Variants in UBR1 observed in about 807,000 individuals in gnomAD.
UBR1 encodes the protein ubiquitin protein ligase E3 component n-recognin 1, also known as E3 ubiquitin-protein ligase UBR1.
Under a neutral mutation model 242.1 loss-of-function variants are expected in UBR1, and 102 were observed. That is an observed-to-expected ratio of 0.42 (90% confidence interval 0.36 to 0.50). The LOEUF is 0.50. Among genes scored for constraint, UBR1 ranks in the 20% least tolerant of loss-of-function variants. The probability of loss-of-function intolerance (pLI) is 0.01; values close to 1 mark genes in which losing one functional copy is unlikely to be tolerated. For missense variants in UBR1, 1,772 were observed against 2,101.8 expected (o/e 0.84, Z 3.07); for synonymous variants, 675 against 684.8 (o/e 0.99, Z 0.22).
chr15:42,943,096 CAT>C lies in UBR1; in HGVS notation c.*2231_*2232del, dbSNP rs1253833540. ...ATCATCATCACAGTGAACCAAAATG[CAT>C]AGTTGTTATGAAATGACAAATGACC... On this transcript the variant is annotated 3_prime_UTR_variant, in exon 47 of 47. Coordinates refer to ENST00000290650, the MANE Select transcript of UBR1 (RefSeq NM_174916.3). 1 of 152,534 alleles carries C rather than the reference CAT, an allele frequency of 6.6e-6. No homozygotes were observed. Among genetic ancestry groups the C allele is most frequent in the Non-Finnish European group, 1.5e-5 (1 of 68,024 alleles). The allele number at this position is 152,534 out of a possible 1,614,324, so 9.4% of individuals were successfully genotyped here.
chr15:43,085,749 TGGCG>T (rs1188680224), intron 2 of UBR1, among the ~76,000 whole-genome samples: 2 of 150,674 alleles, frequency 1.3e-5, no homozygotes, highest in African/African-American at 4.9e-5. Flanking sequence ...CCAGGCATGG[TGGCG>T]GGTGCCTGTA....
At chr15:43,016,376 CTAA>C (rs1305034587) in intron 28 of UBR1, among the ~76,000 whole-genome samples, 1 of 151,950 alleles carries the variant, frequency 6.6e-6, no homozygotes, top group Non-Finnish European at 1.5e-5. Flanking sequence ...TAATATTATT[CTAA>C]TAATACAAAT....
chr15:42,985,604 C>T (rs1287235150), intron 35 of UBR1, among the ~76,000 whole-genome samples: 1 of 152,326 alleles, frequency 6.6e-6, no homozygotes, highest in Admixed American at 6.5e-5. Flanking sequence ...CCGCCCACCT[C>T]AGCCTTCCAA....
intron 12 of UBR1, among the ~76,000 whole-genome samples, chr15:43,048,932 AG>A (rs1321704826): frequency 2.8e-4 from 42 of 152,324 alleles, no homozygotes; most frequent in African/African-American, 1.0e-3. Context: ...GAAGGATGTA[AG>A]CACCTGTCAT....
At position 43,027,810 on chromosome 15, in the gene UBR1, A is replaced by C; in HGVS notation, c.2398T>G (p.Leu800Val). 6.2e-7 allele frequency: 1 copy of C among 1,612,726 alleles called. No individual in the cohort carries two copies. The highest frequency in any genetic ancestry group is 1.7e-4 in the Middle Eastern group (1 of 6,052). Residue 800 changes from leucine (L) to valine (V), a missense_variant, in exon 22 of 47, where the codon TTA becomes GTA. Physicochemically the swap from Leu to Val is conservative, Grantham distance 32 (BLOSUM62 1). Around this residue, in one of 3 missense-constraint regions of UBR1, gnomAD observed 73 missense variants for 128.9 expected, o/e 0.57. Coordinates refer to ENST00000290650, the MANE Select transcript of UBR1 (RefSeq NM_174916.3). Reference sequence around the variant, plus strand: ...GCCACTTTGTTTATGACATTCTCTAAGCCAGTTTCATTATTTTCCTGTTGA... The same window carrying C: ...GCCACTTTGTTTATGACATTCTCTACGCCAGTTTCATTATTTTCCTGTTGA... ...LPENENNETG[L>V]ENVINKVATF... is the part of the protein sequence containing the mutation.
chr15:43,065,864 G>C (rs1240616612), intron 6 of UBR1, among the ~76,000 whole-genome samples: 2 of 152,196 alleles, frequency 1.3e-5, no homozygotes, highest in South Asian at 2.1e-4. Context: ...TGTAGACTGG[G>C]TACTAAACCT....
chr15:43,059,607 A>C (rs913006437), intron 8 of UBR1, 95 bp downstream of exon 8: 19 of 1,471,998 alleles, frequency 1.3e-5, no homozygotes, highest in Non-Finnish European at 1.7e-5. Flanking sequence ...AAAAAAAAGA[A>C]AAACTTTATT....
intron 1 of UBR1, among the ~76,000 whole-genome samples, chr15:43,095,469 T>A (rs2034148043): frequency 1.3e-5 from 2 of 151,226 alleles, no homozygotes; most frequent in Admixed American, 6.6e-5. Flanking sequence ...TCTACTGGAG[T>A]CTTATCAGTA....
At chr15:43,004,701 A>T (rs914823411) in intron 30 of UBR1, among the ~76,000 whole-genome samples, 8 of 152,108 alleles carry the variant, frequency 5.3e-5, no homozygotes, top group Non-Finnish European at 1.5e-5. Context: ...CCCAGGCTGG[A>T]GTGCAGTGGC....
intron 6 of UBR1, among the ~76,000 whole-genome samples, chr15:43,063,503 G>A (rs529420772): frequency 7.9e-5 from 12 of 152,134 alleles, no homozygotes; most frequent in African/African-American, 2.4e-4. Flanking sequence ...TACATAAGAC[G>A]GCAAAAATGT....
chr15:43,079,560 A>G (rs1315704298), intron 3 of UBR1, among the ~76,000 whole-genome samples: 3 of 151,962 alleles, frequency 2.0e-5, no homozygotes, highest in Non-Finnish European at 4.4e-5. Context: ...CGGGTGGATC[A>G]TGAGGTCAGG....
chr15:43,079,095 A>T (rs964931443), intron 3 of UBR1, among the ~76,000 whole-genome samples: 5 of 152,208 alleles, frequency 3.3e-5, no homozygotes, highest in Non-Finnish European at 5.9e-5. Context: ...AGTCATTGAA[A>T]TGGGGGACAG....
intron 46 of UBR1, among the ~76,000 whole-genome samples, chr15:42,946,645 G>A (rs370467501): frequency 3.3e-5 from 5 of 152,244 alleles, no homozygotes; most frequent in African/African-American, 1.2e-4. Flanking sequence ...TATTTCAAAG[G>A]AACAAAATTT....
intron 1 of UBR1, among the ~76,000 whole-genome samples, chr15:43,090,659 C>CA (rs946589346): frequency 2.7e-5 from 4 of 150,476 alleles, no homozygotes; most frequent in Non-Finnish European, 5.9e-5. Context: ...ACAAACCAAA[C>CA]AAAAAATCTT....
At chr15:43,066,218 T>C (rs112226158) in intron 6 of UBR1, among the ~76,000 whole-genome samples, 1,586 of 152,326 alleles carry the variant, frequency 0.01, 30 homozygotes, top group African/African-American at 0.037. Context: ...ATTTATTGAA[T>C]AGGGAATCCT....
In UBR1 at chr15:43,070,912, G is replaced by C; in HGVS notation, c.542C>G (p.Pro181Arg). 1 of 1,613,232 alleles carries C rather than the reference G, an allele frequency of 6.2e-7. No homozygotes were observed. The highest frequency in any genetic ancestry group is 8.5e-7 in the Non-Finnish European group (1 of 1,179,928). The change falls in exon 5 of 47, where the codon CCG becomes CGG. Residue 181 changes from proline to arginine, a missense_variant. Coordinates refer to ENST00000290650, the MANE Select transcript of UBR1 (RefSeq NM_174916.3). ...TTGGACAATTACCTCTTCATTCAAC[G>C]GACAGCGTGAATTCTATAAAAAAGC... is the stretch of plus-strand genomic sequence containing the variant. ...AGTIKENSRC[P>R]LNEEVIVQAR...
intron 1 of UBR1, among the ~76,000 whole-genome samples, chr15:43,102,032 C>T (rs536028647): frequency 1.6e-4 from 23 of 147,994 alleles, no homozygotes; most frequent in South Asian, 1.3e-3. Flanking sequence ...TCCAGCTACT[C>T]GGGAGGCTGA....
chr15:43,079,055 A>T (rs2033942361), intron 3 of UBR1, among the ~76,000 whole-genome samples: 1 of 152,228 alleles, frequency 6.6e-6, no homozygotes, highest in African/African-American at 2.4e-5. Flanking sequence ...AATGAAAATG[A>T]GATGAAGTAA....
At chr15:43,082,582 G>A (rs865798075) in intron 3 of UBR1, 56 bp downstream of exon 3, 18 of 1,385,156 alleles carry the variant, frequency 1.3e-5, no homozygotes, top group Non-Finnish European at 1.6e-5. Flanking sequence ...CAAGAATTTG[G>A]ACTAGATGGC....
Sources: gnomAD v4.1 joint callset for allele counts (sites outside exome capture counted in the v4.1 genomes callset) on GRCh38, gnomAD v4.1.1 for gene constraint, gnomAD v4.1.1 regional missense constraint, MANE v1.5 for transcripts, NCBI Gene and HGNC (gene_info 2026-07-23, HGNC 2026-07-21) for gene names.